The following GRIP2 variants were observed in gnomAD, a reference collection of about 807,000 sequenced individuals.
GRIP2 encodes the protein glutamate receptor interacting protein 2.
In GRIP2, 58 loss-of-function variants were observed where a neutral mutation model predicts 108.3. That is an observed-to-expected ratio of 0.54 (90% CI 0.43 to 0.67). The LOEUF (loss-of-function observed/expected upper bound fraction) is 0.67. Among genes scored for constraint, GRIP2 ranks in the 30% least tolerant of loss-of-function variants. GRIP2 has a pLI of 0.00. For missense variants in GRIP2, 1,278 were observed against 1,430.6 expected, an observed-to-expected ratio of 0.89 and a Z score of 1.72; for synonymous variants, 586 against 598.2, an observed-to-expected ratio of 0.98 and a Z score of 0.30.
At chr3:14,541,868 C>G (rs118014613), upstream of GRIP2, 2,308 of 1,324,606 alleles carry the variant, frequency 1.7e-3, 32 homozygotes, top group East Asian at 0.032. Flanking sequence ...CGGGGGTACA[C>G]GCACTCAATT....
At chr3:14,584,935 G>A in the GRIP2 span, among the ~76,000 whole-genome samples, 1 of 152,160 alleles carries the variant, frequency 6.6e-6, no homozygotes, top group African/African-American at 2.4e-5. Context: ...TTTCCCCAAG[G>A]GGCCACCTGC....
upstream of GRIP2, among the ~76,000 whole-genome samples, chr3:14,557,824 G>A (rs1695260332): frequency 6.6e-6 from 1 of 152,226 alleles, no homozygotes; most frequent in Non-Finnish European, 1.5e-5. Flanking sequence ...CTTTAGGGAT[G>A]GGCAGATCTG....
chr3:14,539,960 C>T (rs1694922015), intron 1 of GRIP2, among the ~76,000 whole-genome samples: 1 of 152,172 alleles, frequency 6.6e-6, no homozygotes, highest in African/African-American at 2.4e-5. Context: ...AGGCTTCGCT[C>T]ACACCCAGAT....
At chr3:14,508,048 T>G (rs890007187) in intron 17 of GRIP2, among the ~76,000 whole-genome samples, 3 of 152,176 alleles carry the variant, frequency 2.0e-5, no homozygotes, top group Non-Finnish European at 4.4e-5. Flanking sequence ...TCTTCATCTG[T>G]AAAATGGGGG....
chr3:14,592,409 G>A, the GRIP2 span, among the ~76,000 whole-genome samples: 1 of 152,236 alleles, frequency 6.6e-6, no homozygotes, highest in South Asian at 2.1e-4. Flanking sequence ...TGTGTCTCCA[G>A]CTGGTAAAGG....
chr3:14,572,611 C>CAAAAAAAAAAAAAAAAAAAA, the GRIP2 span, among the ~76,000 whole-genome samples: 1 of 46,956 alleles, frequency 2.1e-5, no homozygotes, highest in African/African-American at 9.5e-5. Flanking sequence ...GACTCCGTCT[C>CAAAAAAAAAAAAAAAAAAAA]AAAAAAAAAA....
upstream of GRIP2, among the ~76,000 whole-genome samples, chr3:14,544,145 G>C (rs1163318324): frequency 6.6e-6 from 1 of 152,218 alleles, no homozygotes; most frequent in Non-Finnish European, 1.5e-5. Flanking sequence ...AGTCACATCT[G>C]TCTGAGATTC....
chr3:14,564,772 CCTT>C, the GRIP2 span, among the ~76,000 whole-genome samples: 6 of 152,314 alleles, frequency 3.9e-5, no homozygotes, highest in East Asian at 1.2e-3. Context: ...TGCACATTAA[CCTT>C]CTTCAACACC....
intron 1 of GRIP2, among the ~76,000 whole-genome samples, chr3:14,535,695 G>A (rs919872523): frequency 6.6e-6 from 1 of 152,206 alleles, no homozygotes; most frequent in Non-Finnish European, 1.5e-5. Flanking sequence ...GAGGTCAAGG[G>A]AACTGCCCAG....
rs369271921 is a variant in GRIP2, at chr3:14,511,367, C to T, written c.1787+46G>A. ...GAGCCTGGTGCATGCAGGTGCCATA[C>T]TCACTGCTGTTGGCCACTTCCCTTC... is the stretch of plus-strand genomic sequence containing the variant. On this transcript the variant is annotated intron_variant, in intron 15 of 23. Transcript: ENST00000621039. This position sits in a 1 kb window ranked among gnomAD's most constrained non-coding sequence, Gnocchi z 4.1. The T allele has an allele frequency of 6.2e-7, 1 of 1,613,822 alleles. No individual in the cohort carries two copies. Among genetic ancestry groups the T allele is most frequent in the Non-Finnish European group, 8.5e-7 (1 of 1,179,812 alleles).
In GRIP2 at chr3:14,524,703, C is replaced by T. The variant is rs929225319; in HGVS notation, c.258-165G>A. 3.9e-5 allele frequency among the ~76,000 whole-genome samples: 6 copies of T among 152,282 alleles called. No individual in the cohort carries two copies. The South Asian group carries it at 8.3e-4, about 21-fold the overall frequency. On this transcript the variant is annotated intron_variant, in intron 3 of 23. Coordinates refer to ENST00000621039, the MANE Select transcript of GRIP2 (RefSeq NM_001080423.4). Reference sequence around the variant, plus strand: ...CAGACAGTTGTCCAGGGTCACACAGCACGTAAGAGAGTGCAGAGACTGACA... The same window carrying T: ...CAGACAGTTGTCCAGGGTCACACAGTACGTAAGAGAGTGCAGAGACTGACA...
intron 10 of GRIP2, 133 bp from the exon 11 acceptor site, chr3:14,517,346 G>A: frequency 1.2e-5 from 11 of 914,832 alleles, no homozygotes; most frequent in Non-Finnish European, 1.7e-5. Flanking sequence ...GTTACTCATT[G>A]TGTGACCTCA....
chr3:14,517,095 C>A lies in GRIP2; in HGVS notation c.1275G>T (p.Arg425Ser). ...TCTTGTGTTCCCTTCTTCGCTGCCT[C>A]CTCCGCCCCATTGTAGTTCGAGGAC... ...PMSPRTTMGR[R>S]RQRRREHKSS... Residue 425 changes from arginine to serine, a missense_variant, in exon 11 of 24, where the codon AGG becomes AGT. Physicochemically the swap from Arg to Ser is moderately radical, Grantham distance 110. Coordinates refer to ENST00000621039, the MANE Select transcript of GRIP2 (RefSeq NM_001080423.4). 6.2e-7 allele frequency: 1 copy of A among 1,604,826 alleles called. No individual in the cohort carries two copies. The highest frequency in any genetic ancestry group is 1.1e-5 in the South Asian group (1 of 89,772).
chr3:14,550,821 C>T (rs771458428), intron 1 of GRIP2, among the ~76,000 whole-genome samples: 5 of 152,206 alleles, frequency 3.3e-5, no homozygotes, highest in South Asian at 2.1e-4. Context: ...TGAGACACAG[C>T]GAGGAGCAAG....
chr3:14,574,835 C>T, the GRIP2 span: 29 of 330,092 alleles, frequency 8.8e-5, no homozygotes, highest in African/African-American at 6.0e-4. Context: ...GAATGTGCAA[C>T]ATACAACAAA....
At chr3:14,498,109 C>T (rs191644329) in intron 21 of GRIP2, among the ~76,000 whole-genome samples, 1 of 152,114 alleles carries the variant, frequency 6.6e-6, no homozygotes. Flanking sequence ...TCTATCTGAC[C>T]ATTTGGGGTG....
chr3:14,505,737 C>G lies in GRIP2; in HGVS notation c.2451G>C (p.Arg817Ser). ...AARGTTPQER[R>S]PGWLRGSPPP... ...GGGGGCTGCCCCTCAGCCAGCCAGG[C>G]CTCCGCTCCTGGGGGGTCGTGCCCC... Residue 817 changes from arginine (R) to serine (S), a missense_variant, in exon 20 of 24, where the codon AGG becomes AGC. By Grantham distance (110) the Arg-to-Ser change is moderately radical (BLOSUM62 -1). Coordinates refer to ENST00000621039, the MANE Select transcript of GRIP2 (RefSeq NM_001080423.4). The surrounding 1 kb of genome is among the most constrained non-coding windows in gnomAD (Gnocchi z 4.2). 1 of 1,583,258 alleles carries G rather than the reference C, an allele frequency of 6.3e-7. No homozygotes were observed. The highest frequency in any genetic ancestry group is 2.3e-5 in the East Asian group (1 of 43,456).
chr3:14,510,479 G>A (rs766487212), intron 16 of GRIP2, among the ~76,000 whole-genome samples: 6 of 151,944 alleles, frequency 3.9e-5, no homozygotes, highest in Non-Finnish European at 8.8e-5. Context: ...TGCCCAGGCT[G>A]GTCTCGAACT....
rs373174841 is a variant in GRIP2 at position 14,512,910 on chromosome 3, C to T, written c.1640-53G>A. The T allele has an allele frequency of 6.2e-5, 94 of 1,522,204 alleles. No homozygotes were observed. Among genetic ancestry groups the T allele is most frequent in the Admixed American group, 1.3e-4 (8 of 59,794 alleles). The allele number at this position is 1,522,204 out of a possible 1,614,324, so 94.3% of individuals were successfully genotyped here. A position where few individuals can be genotyped will look rare whatever the true frequency, so the allele number is the denominator to read the frequency against. On this transcript the variant is annotated intron_variant, in intron 13 of 23. Transcript: ENST00000621039. This position sits in a 1 kb window ranked among gnomAD's most constrained non-coding sequence, Gnocchi z 5.1. ...TGAGGACCCAGAGGAGGAGCCTCAGCGAACCCCAGCCCCATGCCCATTCTG... is the reference window on the plus strand; with the variant it reads ...TGAGGACCCAGAGGAGGAGCCTCAGTGAACCCCAGCCCCATGCCCATTCTG...
Sources: gnomAD v4.1 joint callset for allele counts (sites outside exome capture counted in the v4.1 genomes callset) on GRCh38, gnomAD v4.1.1 for gene constraint, Gnocchi (gnomAD v3.1) non-coding constraint, MANE v1.5 for transcripts, NCBI Gene and HGNC (gene_info 2026-07-23, HGNC 2026-07-21) for gene names.